CPSF2: variants seen among roughly 807,000 people sequenced by gnomAD.
CPSF2 encodes cleavage and polyadenylation specificity factor subunit 2.
In CPSF2, 51 loss-of-function variants were observed where a neutral mutation model predicts 84.2. That is an observed-to-expected ratio of 0.61 (90% CI 0.48 to 0.77). The LOEUF (loss-of-function observed/expected upper bound fraction) is 0.77. Among genes scored for constraint, CPSF2 ranks in the 30% least tolerant of loss-of-function variants. The pLI, the probability that CPSF2 is intolerant of heterozygous loss-of-function variation, is 0.00. For synonymous variants in CPSF2, 286 were observed against 311.9 expected (o/e 0.92, Z 0.87); for missense variants, 641 against 929.4 (o/e 0.69, Z 4.03).
intron 6 of CPSF2, among the ~76,000 whole-genome samples, chr14:92,135,779 T>G (rs2068990754): frequency 6.6e-6 from 1 of 152,212 alleles, no homozygotes; most frequent in South Asian, 2.1e-4. Flanking sequence ...ACGTATCAAA[T>G]TACATGTTCT....
In CPSF2 at chr14:92,143,210, A is replaced by C. The variant is rs2069101340; in HGVS notation, c.1056A>C (p.Ser352=). 6.2e-7 allele frequency: 1 copy of C among 1,613,828 alleles called. No homozygotes were observed. The highest frequency in any genetic ancestry group is 8.5e-7 in the Non-Finnish European group (1 of 1,179,758). Residue 352 remains serine (S), a synonymous_variant, in exon 9 of 16, where the codon TCA becomes TCC. Coordinates refer to ENST00000298875, the MANE Select transcript of CPSF2 (RefSeq NM_017437.3). ...AGTGGTGTCAGGACCCTAAAAACTC[A>C]ATCATTCTAACCTACAGAACTACTC... is the stretch of plus-strand genomic sequence containing the variant. ...FIQWCQDPKN[S]IILTYRTTPG... is the part of the protein sequence containing the mutation.
intron 6 of CPSF2, among the ~76,000 whole-genome samples, chr14:92,138,003 A>G (rs1244408306): frequency 1.3e-5 from 2 of 152,208 alleles, no homozygotes; most frequent in Non-Finnish European, 2.9e-5. Flanking sequence ...CAGGATGTAC[A>G]CCAAAATATT....
rs1433561914 is a variant in CPSF2 at position 92,167,916 on chromosome 14, A to G, written c.*6172A>G. On this transcript the variant is annotated 3_prime_UTR_variant, in exon 16 of 16. Coordinates refer to ENST00000298875, the MANE Select transcript of CPSF2 (RefSeq NM_017437.3). ...GGTTTTTTTTTTTTTTTTTTCTGGT[A>G]ACCATAGAATGAATGTAGAATGAAT... The G allele has an allele frequency of 1.4e-5, 2 of 138,798 alleles. No homozygotes were observed. Among genetic ancestry groups the G allele is most frequent in the Non-Finnish European group, 3.1e-5 (2 of 65,442 alleles). The allele number at this position is 138,798 out of a possible 1,614,324, so 8.6% of individuals were successfully genotyped here.
chr14:92,143,544 T>C (rs1268942662), intron 9 of CPSF2, among the ~76,000 whole-genome samples: 1 of 151,096 alleles, frequency 6.6e-6, no homozygotes, highest in East Asian at 2.0e-4. Context: ...CCCCATCTCT[T>C]AAAAAAAAAC....
rs2141495571 is a variant in CPSF2, at chr14:92,170,249, T to G, written c.*8505T>G. On this transcript the variant is annotated 3_prime_UTR_variant, in exon 16 of 16. Coordinates refer to ENST00000298875, the MANE Select transcript of CPSF2 (RefSeq NM_017437.3). ...CAGAAAAGTAGAATAGTTCAAAAGA[T>G]CCTGTATATCCTTCCCCTAGATTCT... The G allele has an allele frequency of 6.6e-6, 1 of 152,334 alleles. No individual in the cohort carries two copies. Among genetic ancestry groups the G allele is most frequent in the African/African-American group, 2.4e-5 (1 of 41,570 alleles). 9.4% of individuals were successfully genotyped at this position (152,334 alleles called of 1,614,324 possible).
rs2069452542 is a variant in CPSF2, at chr14:92,166,758, T to A, written c.*5014T>A. 6.6e-6 allele frequency: 1 copy of A among 152,192 alleles called. No homozygotes were observed. Among genetic ancestry groups the A allele is most frequent in the Non-Finnish European group, 1.5e-5 (1 of 68,034 alleles). 9.4% of individuals were successfully genotyped at this position (152,192 alleles called of 1,614,324 possible). ...TTGAAAAGACTATTTCTTCATTGAT[T>A]TTTTTCTGCCACCCCTGTTTAAAAT... On this transcript the variant is annotated 3_prime_UTR_variant, in exon 16 of 16. Coordinates refer to ENST00000298875, the MANE Select transcript of CPSF2 (RefSeq NM_017437.3).
intron 8 of CPSF2, 127 bp downstream of exon 8, chr14:92,142,478 G>GCATTAC (rs2069091091): frequency 2.9e-6 from 2 of 689,210 alleles, no homozygotes; most frequent in Admixed American, 5.3e-5. Context: ...TGATAACTTG[G>GCATTAC]CATTAACCAT....
rs187109836 is a variant in CPSF2 at position 92,168,883 on chromosome 14, A to C, written c.*7139A>C. On this transcript the variant is annotated 3_prime_UTR_variant, in exon 16 of 16. Transcript: ENST00000298875. Reference sequence around the variant, plus strand: ...TCCATCTCTCTTTCTCTCTCCATATAGTCAAAGAGAACCAAAAATGTATGT... The same window carrying C: ...TCCATCTCTCTTTCTCTCTCCATATCGTCAAAGAGAACCAAAAATGTATGT... The C allele has an allele frequency of 6.6e-6, 1 of 152,176 alleles. No homozygotes were observed. The highest frequency in any genetic ancestry group is 1.5e-5 in the Non-Finnish European group (1 of 68,028). 9.4% of individuals were successfully genotyped at this position (152,176 alleles called of 1,614,324 possible). A position where few individuals can be genotyped will look rare whatever the true frequency, so the allele number is the denominator to read the frequency against.
Position 92,168,013 on chromosome 14 carries a change from G to T in CPSF2, c.*6269G>T, listed in dbSNP as rs182398458. 1 of 151,116 alleles carries T rather than the reference G, an allele frequency of 6.6e-6. No individual in the cohort carries two copies. The highest frequency in any genetic ancestry group is 2.4e-5 in the African/African-American group (1 of 40,996). The allele number at this position is 151,116 out of a possible 1,614,324, so 9.4% of individuals were successfully genotyped here. A position where few individuals can be genotyped will look rare whatever the true frequency, so the allele number is the denominator to read the frequency against. On this transcript the variant is annotated 3_prime_UTR_variant, in exon 16 of 16. Transcript: ENST00000298875. ...TGTAATCCCAGCACTTTGGGAGGCC[G>T]AGGCGGGTGGATCATCTGAGGTCAG...
At chr14:92,129,200 A>G (rs1024829933) in intron 2 of CPSF2, among the ~76,000 whole-genome samples, 2 of 152,172 alleles carry the variant, frequency 1.3e-5, no homozygotes, top group African/African-American at 4.8e-5. Flanking sequence ...TAAGAGGAAG[A>G]GTATGATGAG....
At chr14:92,138,643 T>C (rs1391710009) in intron 7 of CPSF2, among the ~76,000 whole-genome samples, 2 of 152,180 alleles carry the variant, frequency 1.3e-5, no homozygotes, top group African/African-American at 4.8e-5. Flanking sequence ...TTGGCCAGGC[T>C]GGTCTTGAAT....
intron 7 of CPSF2, among the ~76,000 whole-genome samples, chr14:92,141,781 T>C (rs905682278): frequency 9.2e-5 from 14 of 152,128 alleles, no homozygotes; most frequent in Admixed American, 2.0e-4. Context: ...CATAACGGAG[T>C]TCACTGGGGT....
intron 9 of CPSF2, among the ~76,000 whole-genome samples, chr14:92,148,672 T>G (rs2069173071): frequency 6.7e-6 from 1 of 150,284 alleles, no homozygotes; most frequent in South Asian, 2.1e-4. Flanking sequence ...GGGAGCAAGG[T>G]GTGGTGGCAT....
chr14:92,142,826 T>C (rs185424362), intron 8 of CPSF2, among the ~76,000 whole-genome samples, 178 bp from the exon 9 acceptor site: 53 of 152,232 alleles, frequency 3.5e-4, no homozygotes, highest in Admixed American at 3.1e-3. Context: ...GGGATGAAAG[T>C]GAGGGTGGGA....
At chr14:92,134,501 T>C (rs2068974447) in intron 5 of CPSF2, 146 bp downstream of exon 5, 1 of 596,158 alleles carries the variant, frequency 1.7e-6, no homozygotes, top group East Asian at 2.8e-5. Flanking sequence ...ACAGAACTCT[T>C]AACTTCCATT....
At chr14:92,149,925 G>A (rs2069191133) in intron 9 of CPSF2, among the ~76,000 whole-genome samples, 1 of 152,148 alleles carries the variant, frequency 6.6e-6, no homozygotes, top group Non-Finnish European at 1.5e-5. Context: ...AAAGTGCTGG[G>A]ATCACAGGCA....
At chr14:92,141,673 G>A (rs1210971594) in intron 7 of CPSF2, among the ~76,000 whole-genome samples, 3 of 152,084 alleles carry the variant, frequency 2.0e-5, no homozygotes, top group Non-Finnish European at 2.9e-5. Flanking sequence ...TTTGGTATTC[G>A]TGGGAGTCCC....
chr14:92,147,596 C>T (rs2069159385), intron 9 of CPSF2, among the ~76,000 whole-genome samples: 1 of 152,064 alleles, frequency 6.6e-6, no homozygotes, highest in African/African-American at 2.4e-5. Context: ...GGGTAAAAGG[C>T]ATCTATGTAG....
chr14:92,151,379 G>A (rs961272802), intron 9 of CPSF2, among the ~76,000 whole-genome samples: 5 of 151,346 alleles, frequency 3.3e-5, no homozygotes, highest in Admixed American at 6.6e-5. Flanking sequence ...GCAACAGAGT[G>A]AGACCCTGTC....
Sources: gnomAD v4.1 joint callset for allele counts (sites outside exome capture counted in the v4.1 genomes callset) on GRCh38, gnomAD v4.1.1 for gene constraint, MANE v1.5 for transcripts, NCBI Gene and HGNC (gene_info 2026-07-23, HGNC 2026-07-21) for gene names.